PDE4D: variants seen among roughly 807,000 people sequenced by gnomAD.
PDE4D encodes the protein 3',5'-cyclic-AMP phosphodiesterase 4D.
A neutral mutation model predicts 87.4 loss-of-function variants in PDE4D; 24 were observed. The ratio of observed to expected loss-of-function variants is 0.27; its 90% CI spans 0.20 to 0.39. The LOEUF is 0.39. Among genes scored for constraint, PDE4D ranks in the 10% least tolerant of loss-of-function variants. PDE4D has a pLI of 1.00. For missense variants in PDE4D, 714 were observed against 1,041.0 expected, an observed-to-expected ratio of 0.69 and a Z score of 4.32; for synonymous variants, 384 against 383.2, an observed-to-expected ratio of 1.00 and a Z score of -0.02.
intron 2 of PDE4D, among the ~76,000 whole-genome samples, chr5:60,147,376 G>C (rs1484372644): frequency 6.6e-6 from 1 of 151,976 alleles, no homozygotes; most frequent in African/African-American, 2.4e-5. Flanking sequence ...GCGGTGAATG[G>C]GCCACGCTGC....
chr5:60,218,540 C>A (rs757718475), intron 1 of PDE4D, among the ~76,000 whole-genome samples: 2 of 151,936 alleles, frequency 1.3e-5, no homozygotes, highest in African/African-American at 4.8e-5. Flanking sequence ...TTTAAAAATG[C>A]CACACAGATG....
chr5:60,041,892 G>A (rs13189870), intron 2 of PDE4D, among the ~76,000 whole-genome samples: 38,348 of 149,692 alleles, frequency 0.26, 6,432 homozygotes, highest in East Asian at 0.74. Context: ...GGCAGACACC[G>A]AGCTAGCTGC....
intron 1 of PDE4D, among the ~76,000 whole-genome samples, chr5:59,319,166 G>A (rs1420839677): frequency 9.8e-6 from 1 of 102,128 alleles, no homozygotes; most frequent in Non-Finnish European, 2.2e-5. Context: ...ATATATGTGT[G>A]TGTGTGTGTG....
chr5:59,693,361 T>G (rs11949859), intron 1 of PDE4D, among the ~76,000 whole-genome samples: 28,065 of 152,016 alleles, frequency 0.18, 3,177 homozygotes, highest in South Asian at 0.26. Context: ...ACCTGCAATG[T>G]TTTCCACTGC....
At chr5:59,014,692 T>C (rs1753606412) in intron 6 of PDE4D, among the ~76,000 whole-genome samples, 1 of 152,168 alleles carries the variant, frequency 6.6e-6, no homozygotes. Flanking sequence ...AAAATGGCCA[T>C]ACTGCCCAAG....
At chr5:59,573,888 C>T (rs1583178966) in intron 1 of PDE4D, among the ~76,000 whole-genome samples, 1 of 149,482 alleles carries the variant, frequency 6.7e-6, no homozygotes, top group Non-Finnish European at 1.5e-5. Context: ...GTCCCAGCAA[C>T]TCGGGAGGCT....
intron 3 of PDE4D, among the ~76,000 whole-genome samples, chr5:59,976,897 G>C (rs182510936): frequency 6.6e-6 from 1 of 152,150 alleles, no homozygotes; most frequent in Admixed American, 6.5e-5. Flanking sequence ...TTTAATTTTT[G>C]GGGTGCCACA....
rs780296756 is a variant in PDE4D at position 60,107,106 on chromosome 5, G to A, written c.42+78451C>T. On this transcript the variant is annotated intron_variant, in intron 2 of 16. Coordinates refer to the PDE4D transcript ENST00000502484. Reference sequence around the variant, plus strand: ...AAAAGATCAACAAAATTGATAGACCGCTAGCAAGACTAATAAAGAAAAAAA... The same window carrying A: ...AAAAGATCAACAAAATTGATAGACCACTAGCAAGACTAATAAAGAAAAAAA... Among the ~76,000 whole-genome samples, 896 of 152,064 alleles carry A rather than the reference G, an allele frequency of 5.9e-3. 7 individuals are homozygous for A. Among genetic ancestry groups the A allele is most frequent in the Non-Finnish European group, 9.1e-3 (619 of 67,990 alleles).
chr5:59,315,107 T>C, intron 1 of PDE4D, among the ~76,000 whole-genome samples: 1 of 152,158 alleles, frequency 6.6e-6, no homozygotes, highest in East Asian at 1.9e-4. Flanking sequence ...AGTTTTTCTT[T>C]TCTTGTTTTC....
chr5:59,900,020 A>C (rs989498789), intron 3 of PDE4D, among the ~76,000 whole-genome samples: 1 of 152,074 alleles, frequency 6.6e-6, no homozygotes, highest in African/African-American at 2.4e-5. Context: ...TGGGCGGATC[A>C]CTTGATGTCA....
intron 1 of PDE4D, among the ~76,000 whole-genome samples, chr5:59,787,220 C>CCAA (rs1254628149): frequency 1.3e-5 from 2 of 152,172 alleles, no homozygotes; most frequent in African/African-American, 2.4e-5. Context: ...GCGCCTTATA[C>CCAA]CAAGGCTTTC....
chr5:59,668,922 A>AGGAAG (rs1746698651), intron 1 of PDE4D, among the ~76,000 whole-genome samples: 2 of 56,904 alleles, frequency 3.5e-5, no homozygotes, highest in Non-Finnish European at 6.6e-5. Context: ...GAAGAAGAAG[A>AGGAAG]AAGAAAGAAA....
chr5:60,298,403 A>G (rs1359527984), intron 1 of PDE4D, among the ~76,000 whole-genome samples: 1 of 152,230 alleles, frequency 6.6e-6, no homozygotes, highest in African/African-American at 2.4e-5. Flanking sequence ...TTTCAAATGA[A>G]TGTATTCCTC....
At chr5:60,435,755 T>C (rs531492859) in intron 1 of PDE4D, among the ~76,000 whole-genome samples, 1 of 152,206 alleles carries the variant, frequency 6.6e-6, no homozygotes, top group South Asian at 2.1e-4. Flanking sequence ...GATTTTTTTT[T>C]AGAAATTAAA....
At chr5:59,061,668 G>C (rs937574640) in intron 5 of PDE4D, among the ~76,000 whole-genome samples, 3 of 151,996 alleles carry the variant, frequency 2.0e-5, no homozygotes, top group African/African-American at 7.3e-5. Flanking sequence ...CTGACACGTT[G>C]TCATCCTCAC....
chr5:59,062,721 C>A (rs1229751845), intron 5 of PDE4D, among the ~76,000 whole-genome samples: 1 of 67,496 alleles, frequency 1.5e-5, no homozygotes, highest in African/African-American at 4.0e-5. Context: ...TTTTTTTTTG[C>A]ACTACCCATG....
At chr5:60,045,274 A>T (rs1432036798) in intron 2 of PDE4D, among the ~76,000 whole-genome samples, 2 of 151,864 alleles carry the variant, frequency 1.3e-5, no homozygotes, top group African/African-American at 4.8e-5. Flanking sequence ...CCTTTGTCAG[A>T]TGAGTAGGTT....
At chr5:60,416,932 G>A (rs1399368682) in intron 1 of PDE4D, among the ~76,000 whole-genome samples, 1 of 152,198 alleles carries the variant, frequency 6.6e-6, no homozygotes, top group African/African-American at 2.4e-5. Flanking sequence ...TGTAGGGATT[G>A]GCCTGTTAAA....
At chr5:60,492,071 T>C (rs1173285328), upstream of PDE4D, among the ~76,000 whole-genome samples, 3 of 150,890 alleles carry the variant, frequency 2.0e-5, no homozygotes, top group Non-Finnish European at 2.9e-5. Flanking sequence ...CATGTATACA[T>C]ATGTAACTAA....
Sources: allele counts gnomAD v4.1 joint callset (sites outside exome capture counted in the v4.1 genomes callset), GRCh38; gene constraint gnomAD v4.1.1; transcripts MANE v1.5; gene names NCBI Gene and HGNC (gene_info 2026-07-23, HGNC 2026-07-21).